The following UFD1 variants were observed in gnomAD, a reference collection of about 807,000 sequenced individuals.
UFD1 encodes the protein ubiquitin recognition factor in ER-associated degradation protein 1.
In UFD1, 13 loss-of-function variants were observed where a neutral mutation model predicts 45.9. The observed-to-expected ratio is 0.28, with a 90% CI of 0.18 to 0.45. UFD1 has a LOEUF of 0.45. Among genes scored for constraint, UFD1 ranks in the 20% least tolerant of loss-of-function variants. UFD1 has a pLI of 1.00. For synonymous variants in UFD1, 128 were observed against 139.2 expected (o/e 0.92, Z 0.56); for missense variants, 218 against 389.2 (o/e 0.56, Z 3.70).
chr22:19,451,260 C>T (rs1056905791), intron 11 of UFD1: 6 of 985,592 alleles, frequency 6.1e-6, no homozygotes, highest in African/African-American at 3.5e-5. Context: ...TAGTATACTC[C>T]CAAGGCTACA....
intron 3 of UFD1, among the ~76,000 whole-genome samples, chr22:19,474,450 GCAGGAGGATCACT>G (rs1276214808): frequency 2.6e-5 from 4 of 152,188 alleles, no homozygotes; most frequent in Non-Finnish European, 5.9e-5. Context: ...GGAGGCTGAG[GCAGGAGGATCACT>G]TGAACCTGGG....
Position 19,451,375 on chromosome 22 carries a change from T to C in UFD1, c.850-631A>G, listed in dbSNP as rs377574067. The C allele has an allele frequency of 5.8e-5, 57 of 985,088 alleles. No homozygotes were observed. In the Middle Eastern group the frequency reaches 3.1e-3, roughly 54 times the overall value. The allele number at this position is 985,088 out of a possible 1,614,324, so 61.0% of individuals were successfully genotyped here. A position where few individuals can be genotyped will look rare whatever the true frequency, so the allele number is the denominator to read the frequency against. On this transcript the variant is annotated intron_variant, in intron 11 of 11. Coordinates refer to ENST00000263202, the MANE Select transcript of UFD1 (RefSeq NM_005659.7). ...TTAATGTATTTGCACACAACTCTGA[T>C]TTTTTTTAGAGCTCAAATTCCTGGG...
chr22:19,464,142 A>G (rs1230503082), intron 6 of UFD1, among the ~76,000 whole-genome samples: 2 of 152,246 alleles, frequency 1.3e-5, no homozygotes, highest in African/African-American at 4.8e-5. Flanking sequence ...AGATGCCTCA[A>G]ATATGAGGAA....
At chr22:19,464,355 G>C (rs2089787019) in intron 6 of UFD1, among the ~76,000 whole-genome samples, 1 of 152,266 alleles carries the variant, frequency 6.6e-6, no homozygotes, top group Non-Finnish European at 1.5e-5. Context: ...CCTGGCAACA[G>C]CTCTGTGGGA....
chr22:19,472,306 C>T (rs1015199482), intron 3 of UFD1, among the ~76,000 whole-genome samples: 4 of 151,914 alleles, frequency 2.6e-5, no homozygotes, highest in African/African-American at 7.3e-5. Flanking sequence ...TGAGCAAAGG[C>T]GTGGAAGGGA....
intron 1 of UFD1, among the ~76,000 whole-genome samples, chr22:19,478,410 C>T (rs990323661): frequency 6.6e-6 from 1 of 152,222 alleles, no homozygotes; most frequent in Non-Finnish European, 1.5e-5. Context: ...CCAGTCCCTA[C>T]TTCTGTGACT....
At chr22:19,455,446 T>C (rs1051726560) in intron 10 of UFD1, among the ~76,000 whole-genome samples, 6 of 151,986 alleles carry the variant, frequency 3.9e-5, no homozygotes, top group Non-Finnish European at 5.9e-5. Context: ...AGAGGCTGAA[T>C]TGGGGGTATG....
chr22:19,457,624 C>G (rs2089732999), intron 7 of UFD1, among the ~76,000 whole-genome samples: 1 of 152,112 alleles, frequency 6.6e-6, no homozygotes, highest in Non-Finnish European at 1.5e-5. Context: ...ACCAGCTTGG[C>G]CAACATGGTA....
intron 6 of UFD1, among the ~76,000 whole-genome samples, chr22:19,459,302 A>G (rs2089746901): frequency 6.6e-6 from 1 of 152,230 alleles, no homozygotes; most frequent in Non-Finnish European, 1.5e-5. Context: ...CACCTATGTA[A>G]AAAAGGCACA....
chr22:19,479,074 A>G lies in UFD1; in HGVS notation c.3+9T>C, dbSNP rs771407646. The G allele has an allele frequency of 2.0e-6, 3 of 1,527,224 alleles. No homozygotes were observed. Among genetic ancestry groups the G allele is most frequent in the East Asian group, 2.7e-5 (1 of 37,020 alleles). The allele number at this position is 1,527,224 out of a possible 1,614,324, so 94.6% of individuals were successfully genotyped here. A position where few individuals can be genotyped will look rare whatever the true frequency, so the allele number is the denominator to read the frequency against. On this transcript the variant is annotated intron_variant, in intron 1 of 11. Coordinates refer to ENST00000263202, the MANE Select transcript of UFD1 (RefSeq NM_005659.7). ...GCCCAGCCCCCGCCCGCTGCCCGTC[A>G]GCGCTTACCATGATGGACACCACCT...
chr22:19,471,649 A>AGTGG (rs897174608), intron 4 of UFD1, 38 bp downstream of exon 4: 1 of 1,605,492 alleles, frequency 6.2e-7, no homozygotes, highest in African/African-American at 1.3e-5. Context: ...TCTCTGCCTA[A>AGTGG]GTGGCTGCTC....
intron 6 of UFD1, among the ~76,000 whole-genome samples, chr22:19,459,242 C>T (rs1395753607): frequency 6.6e-6 from 1 of 152,152 alleles, no homozygotes; most frequent in Non-Finnish European, 1.5e-5. Context: ...ACGCAGCCAA[C>T]AGGAAAATAA....
At chr22:19,471,917 A>C in intron 3 of UFD1, 109 bp from the exon 4 acceptor site, 1 of 1,436,566 alleles carries the variant, frequency 7.0e-7, no homozygotes, top group Non-Finnish European at 9.3e-7. Context: ...TCAACCCCAC[A>C]CTCCTCTGGC....
intron 11 of UFD1, chr22:19,451,825 G>A: frequency 1.0e-6 from 1 of 985,446 alleles, no homozygotes; most frequent in Non-Finnish European, 1.2e-6. Context: ...GCATTGCATG[G>A]AGTTCATCTG....
chr22:19,479,166 TGCCGC>T lies in UFD1; in HGVS notation c.-86_-82del. The T allele has an allele frequency of 6.4e-7, 1 of 1,571,078 alleles. No individual in the cohort carries two copies. The highest frequency in any genetic ancestry group is 8.6e-7 in the Non-Finnish European group (1 of 1,160,488). On this transcript the variant is annotated 5_prime_UTR_variant, in exon 1 of 12. Transcript: ENST00000263202. The stretch of plus-strand genomic sequence containing the variant: ...CGCCGACCGCTCTCCCAGCCGCCGC[TGCCGC>T]TGCCGCCGCGCCAAGCCGGTACGCC...
intron 5 of UFD1, chr22:19,465,949 A>C (rs2146299329): frequency 6.6e-6 from 1 of 152,380 alleles, no homozygotes; most frequent in South Asian, 2.1e-4. Flanking sequence ...AAATGCCCAC[A>C]CAAGGAAATG....
intron 11 of UFD1, chr22:19,453,392 C>A (rs1166198777): frequency 5.1e-6 from 5 of 985,458 alleles, no homozygotes; most frequent in Non-Finnish European, 6.0e-6. Context: ...TGTCTTCAAT[C>A]CCATCTTTAA....
intron 6 of UFD1, among the ~76,000 whole-genome samples, chr22:19,463,450 T>C (rs1203201010): frequency 6.6e-6 from 1 of 152,264 alleles, no homozygotes; most frequent in African/African-American, 2.4e-5. Context: ...TACATTTGTA[T>C]CTAGAAATTC....
intron 9 of UFD1, among the ~76,000 whole-genome samples, chr22:19,456,055 A>G (rs971938380): frequency 6.6e-6 from 1 of 152,134 alleles, no homozygotes; most frequent in African/African-American, 2.4e-5. Context: ...TTCAAGCTCT[A>G]TGGGTGGGCT....
Sources: gnomAD v4.1 joint callset for allele counts (sites outside exome capture counted in the v4.1 genomes callset) on GRCh38, gnomAD v4.1.1 for gene constraint, MANE v1.5 for transcripts, NCBI Gene and HGNC (gene_info 2026-07-23, HGNC 2026-07-21) for gene names.